COL5A2: variants seen among roughly 807,000 people sequenced by gnomAD.
The protein encoded by COL5A2 is collagen type V alpha 2 chain.
A neutral mutation model predicts 208.2 loss-of-function variants in COL5A2; 23 were observed. The observed-to-expected ratio is 0.11, with a 90% confidence interval of 0.08 to 0.16. The LOEUF is 0.16. Ranked by LOEUF, COL5A2 falls within the 10% of genes least tolerant of loss-of-function variation. The probability of loss-of-function intolerance (pLI) is 1.00; values close to 1 mark genes in which losing one functional copy is unlikely to be tolerated. For synonymous variants in COL5A2, 625 were observed against 628.5 expected (o/e 0.99, Z 0.08); for missense variants, 1,590 against 1,956.4 (o/e 0.81, Z 3.53).
At chr2:189,261,631 T>C in the COL5A2 span, among the ~76,000 whole-genome samples, 1 of 152,232 alleles carries the variant, frequency 6.6e-6, no homozygotes, top group Non-Finnish European at 1.5e-5. Flanking sequence ...TTTGGCTTCA[T>C]GACCCAGATT....
At chr2:189,051,279 T>A (rs878909120) in intron 42 of COL5A2, 41 bp downstream of exon 42, 1 of 1,612,996 alleles carries the variant, frequency 6.2e-7, no homozygotes. Context: ...TTTGTAAATA[T>A]CTCAGTTGAA....
rs2105852907 is a variant in COL5A2 at position 189,197,634 on chromosome 2, T to G, written c.-42+27514A>C. ...TAAATAATGTCCATTTAGGTTAATTTATTTATTCTACAAATGATCGTTAAA... is the reference window on the plus strand; with the variant it reads ...TAAATAATGTCCATTTAGGTTAATTGATTTATTCTACAAATGATCGTTAAA... On this transcript the variant is annotated intron_variant, in intron 1 of 10. Transcript: ENST00000649966. Among the ~76,000 whole-genome samples the G allele has an allele frequency of 1.3e-5, 2 of 152,024 alleles. 1 individual carries two copies. Among genetic ancestry groups the G allele is most frequent in the Middle Eastern group, 6.8e-3 (2 of 292 alleles).
the COL5A2 span, among the ~76,000 whole-genome samples, chr2:189,278,403 G>A: frequency 6.6e-6 from 1 of 152,022 alleles, no homozygotes; most frequent in African/African-American, 2.4e-5. Flanking sequence ...AATAATTAAG[G>A]AGAACATTCA....
chr2:189,352,190 C>T, the COL5A2 span, among the ~76,000 whole-genome samples: 2 of 152,032 alleles, frequency 1.3e-5, no homozygotes, highest in East Asian at 3.9e-4. Context: ...TTTTCCTTAC[C>T]CAGTCTAAAA....
the COL5A2 span, among the ~76,000 whole-genome samples, chr2:189,350,309 T>G: frequency 2.6e-5 from 4 of 152,300 alleles, no homozygotes; most frequent in East Asian, 7.7e-4. Context: ...AAGGTCAATC[T>G]GTTTCTTAAG....
intron 15 of COL5A2, among the ~76,000 whole-genome samples, 192 bp downstream of exon 15, chr2:189,078,871 T>C (rs1161637894): frequency 6.6e-6 from 1 of 152,200 alleles, no homozygotes; most frequent in African/African-American, 2.4e-5. Context: ...CAGTGAAATG[T>C]GGGAAACCTT....
the COL5A2 span, among the ~76,000 whole-genome samples, chr2:189,398,240 A>C: frequency 6.6e-6 from 1 of 152,074 alleles, no homozygotes; most frequent in African/African-American, 2.4e-5. Context: ...GTTTTATATA[A>C]GTTTTCTTCA....
At chr2:189,035,322 C>A (rs1441000901) in intron 52 of COL5A2, among the ~76,000 whole-genome samples, 167 bp from the exon 53 acceptor site, 1 of 152,068 alleles carries the variant, frequency 6.6e-6, no homozygotes, top group African/African-American at 2.4e-5. Context: ...CTAAACATAT[C>A]TTAAAATGTC....
At chr2:189,181,420 A>C (rs1465021975), upstream of COL5A2, among the ~76,000 whole-genome samples, 1 of 152,202 alleles carries the variant, frequency 6.6e-6, no homozygotes, top group Admixed American at 6.5e-5. Flanking sequence ...CTTTCAGTTA[A>C]TTCTTTCTAG....
chr2:189,233,556 A>G, the COL5A2 span, among the ~76,000 whole-genome samples: 1 of 149,576 alleles, frequency 6.7e-6, no homozygotes, highest in African/African-American at 2.4e-5. Context: ...TTGGTATTTG[A>G]AAAAAAAAAG....
chr2:189,035,314 A>G (rs1412062187), intron 52 of COL5A2, among the ~76,000 whole-genome samples, 159 bp from the exon 53 acceptor site: 1 of 152,136 alleles, frequency 6.6e-6, no homozygotes, highest in Non-Finnish European at 1.5e-5. Flanking sequence ...CTGTACATCT[A>G]AACATATCTT....
chr2:189,325,153 A>C, the COL5A2 span, among the ~76,000 whole-genome samples: 8 of 151,282 alleles, frequency 5.3e-5, no homozygotes, highest in Admixed American at 5.3e-4. Flanking sequence ...AACATCACAC[A>C]CTGGGGCCTG....
chr2:189,338,588 A>G, the COL5A2 span, among the ~76,000 whole-genome samples: 1 of 151,828 alleles, frequency 6.6e-6, no homozygotes, highest in Admixed American at 6.6e-5. Flanking sequence ...AGTTGCCATC[A>G]TTTACATAAG....
intron 33 of COL5A2, among the ~76,000 whole-genome samples, chr2:189,058,011 G>T (rs10165488): frequency 6.6e-6 from 1 of 152,100 alleles, no homozygotes; most frequent in Admixed American, 6.5e-5. Context: ...GATTTTAAAA[G>T]TTCCATATTT....
At chr2:189,124,190 G>A (rs948245609) in intron 1 of COL5A2, among the ~76,000 whole-genome samples, 5 of 152,044 alleles carry the variant, frequency 3.3e-5, no homozygotes, top group South Asian at 2.1e-4. Flanking sequence ...CTAAGATTGC[G>A]AACCCCATTC....
rs565471544 is a variant in COL5A2 at position 189,147,401 on chromosome 2, T to C, written c.97+32107A>G. Among the ~76,000 whole-genome samples the C allele has an allele frequency of 2.6e-5, 4 of 152,282 alleles. No individual in the cohort carries two copies. In the East Asian group the frequency reaches 7.7e-4, roughly 29 times the overall value. ...TAAAGACAGAATTCAGCGAAGACCCTGGAAATCTAAGGTTTACTTTCAACC... is the reference window on the plus strand; with the variant it reads ...TAAAGACAGAATTCAGCGAAGACCCCGGAAATCTAAGGTTTACTTTCAACC... On this transcript the variant is annotated intron_variant, in intron 1 of 53. Transcript: ENST00000374866.
the COL5A2 span, among the ~76,000 whole-genome samples, chr2:189,367,049 C>T: frequency 2.4e-3 from 367 of 152,306 alleles, 3 homozygotes; most frequent in African/African-American, 8.3e-3. Context: ...AGGAAAACAA[C>T]TGTGGCAACC....
chr2:189,118,750 A>G (rs1687444393), intron 1 of COL5A2, among the ~76,000 whole-genome samples: 1 of 152,152 alleles, frequency 6.6e-6, no homozygotes. Context: ...TTCTAATTTT[A>G]TCCTCTTGGA....
intron 1 of COL5A2, among the ~76,000 whole-genome samples, chr2:189,204,527 C>T (rs1287208608): frequency 6.6e-6 from 1 of 152,194 alleles, no homozygotes; most frequent in Non-Finnish European, 1.5e-5. Context: ...ACTCATATTT[C>T]AGTAATTCTT....
Sources: gnomAD v4.1 joint callset for allele counts (sites outside exome capture counted in the v4.1 genomes callset) on GRCh38, gnomAD v4.1.1 for gene constraint, MANE v1.5 for transcripts, NCBI Gene and HGNC (gene_info 2026-07-23, HGNC 2026-07-21) for gene names.